The following NOX4 variants were observed in gnomAD, a reference collection of about 807,000 sequenced individuals.
NOX4 encodes the protein NADPH oxidase 4.
In NOX4, 69 loss-of-function variants were observed where a neutral mutation model predicts 87.6. The ratio of observed to expected loss-of-function variants is 0.79; its 90% CI spans 0.65 to 0.96. The LOEUF is 0.96. Among genes scored for constraint, NOX4 ranks in the 40% least tolerant of loss-of-function variants. The pLI is 0.00. For missense variants in NOX4, 680 were observed against 681.5 expected (o/e 1.00, Z 0.02); for synonymous variants, 275 against 238.2 (o/e 1.15, Z -1.42).
chr11:89,570,265 A>C, the NOX4 span, among the ~76,000 whole-genome samples: 36 of 152,138 alleles, frequency 2.4e-4, no homozygotes, highest in Non-Finnish European at 5.0e-4. Flanking sequence ...AGAAAACCAA[A>C]CACCACATGT....
At chr11:89,548,268 G>A in the NOX4 span, 1 of 152,124 alleles carries the variant, frequency 6.6e-6, no homozygotes, top group African/African-American at 2.4e-5. Context: ...TGGAATTAGT[G>A]TCTTTATAGG....
At chr11:89,502,337 A>G (rs1026246128), upstream of NOX4, among the ~76,000 whole-genome samples, 5 of 152,098 alleles carry the variant, frequency 3.3e-5, no homozygotes, top group African/African-American at 9.6e-5. Flanking sequence ...ATGAGACTAC[A>G]TTAGTAGGAG....
chr11:89,480,143 GT>G (rs1376588680), intron 2 of NOX4, among the ~76,000 whole-genome samples: 2 of 152,094 alleles, frequency 1.3e-5, no homozygotes, highest in African/African-American at 4.8e-5. Flanking sequence ...GTATATACTT[GT>G]TTTGCTATTA....
chr11:89,535,972 C>A, the NOX4 span, among the ~76,000 whole-genome samples: 34 of 152,030 alleles, frequency 2.2e-4, no homozygotes, highest in Non-Finnish European at 4.1e-4. Flanking sequence ...TTCAGTCCTG[C>A]ACTTTTTCTT....
rs760187761 is a variant in NOX4, at chr11:89,491,257, C to T, written c.-11G>A. The T allele has an allele frequency of 2.5e-6, 4 of 1,612,148 alleles. No individual in the cohort carries two copies. The highest frequency in any genetic ancestry group is 1.1e-5 in the South Asian group (1 of 90,984). ...CCAGGACACAGCCATGCCGCCGGCC[C>T]CGCCGCGCTGCGCTCTGTGCCCGCC... On this transcript the variant is annotated 5_prime_UTR_variant, in exon 1 of 18. Coordinates refer to ENST00000263317, the MANE Select transcript of NOX4 (RefSeq NM_016931.5).
At chr11:89,486,836 T>C (rs1336120745) in intron 2 of NOX4, among the ~76,000 whole-genome samples, 2 of 151,762 alleles carry the variant, frequency 1.3e-5, no homozygotes. Context: ...AAACCAATAA[T>C]TTTTGTAGTT....
At chr11:89,551,692 G>T in the NOX4 span, among the ~76,000 whole-genome samples, 1 of 152,104 alleles carries the variant, frequency 6.6e-6, no homozygotes, top group African/African-American at 2.4e-5. Context: ...GGAGTTTTGG[G>T]GCTGAGATGA....
At chr11:89,487,346 A>G (rs1239844666) in intron 2 of NOX4, among the ~76,000 whole-genome samples, 7 of 152,222 alleles carry the variant, frequency 4.6e-5, no homozygotes, top group Non-Finnish European at 8.8e-5. Flanking sequence ...ATTCTTCAAT[A>G]GAAAATAGAG....
the NOX4 span, among the ~76,000 whole-genome samples, chr11:89,553,588 A>C: frequency 6.6e-6 from 1 of 152,174 alleles, no homozygotes; most frequent in Non-Finnish European, 1.5e-5. Context: ...CAATCTAGAA[A>C]TCTTTCCTAT....
chr11:89,537,402 T>C, the NOX4 span, among the ~76,000 whole-genome samples: 33 of 151,626 alleles, frequency 2.2e-4, no homozygotes, highest in Middle Eastern at 0.01. Context: ...GTTTTATGTA[T>C]AGTTATATAT....
intron 2 of NOX4, among the ~76,000 whole-genome samples, chr11:89,473,935 T>C (rs1287657426): frequency 6.6e-6 from 1 of 152,206 alleles, no homozygotes; most frequent in Non-Finnish European, 1.5e-5. Context: ...TAAGAGGGAC[T>C]AAATGAATGG....
At chr11:89,477,238 G>A (rs542738230) in intron 2 of NOX4, among the ~76,000 whole-genome samples, 1 of 152,220 alleles carries the variant, frequency 6.6e-6, no homozygotes, top group South Asian at 2.1e-4. Context: ...GGGGTGACAG[G>A]AGACAGTGAC....
In NOX4 at chr11:89,324,771, G is replaced by A. The variant is rs1303695834; in HGVS notation, c.*1985C>T. On this transcript the variant is annotated 3_prime_UTR_variant, in exon 18 of 18. Coordinates refer to ENST00000263317, the MANE Select transcript of NOX4 (RefSeq NM_016931.5). ...AATTCTTTTTAATCTAAAGACTGTT[G>A]TCAAGACATACTAGTTATTAAATAT... 6.6e-6 allele frequency: 1 copy of A among 152,074 alleles called. No individual in the cohort carries two copies. The highest frequency in any genetic ancestry group is 6.5e-5 in the Admixed American group (1 of 15,272). 9.4% of individuals were successfully genotyped at this position (152,074 alleles called of 1,614,324 possible).
Position 89,491,291 on chromosome 11 carries a change from A to T in NOX4, c.-45T>A, listed in dbSNP as rs1946844928. The stretch of plus-strand genomic sequence containing the variant: ...TGCGCTCTGTGCCCGCCGGACCGAG[A>T]AGGAGCGGGCGGCGGCCGGGGCAGC... On this transcript the variant is annotated 5_prime_UTR_variant, in exon 1 of 18. Coordinates refer to ENST00000263317, the MANE Select transcript of NOX4 (RefSeq NM_016931.5). 1.3e-6 allele frequency: 2 copies of T among 1,580,248 alleles called. No individual in the cohort carries two copies. The highest frequency in any genetic ancestry group is 4.6e-5 in the East Asian group (2 of 43,952).
chr11:89,544,752 G>C, the NOX4 span, among the ~76,000 whole-genome samples: 1 of 151,866 alleles, frequency 6.6e-6, no homozygotes, highest in Admixed American at 6.6e-5. Context: ...GTAATTTGCT[G>C]TATGTCATAC....
chr11:89,505,022 C>A, the NOX4 span, among the ~76,000 whole-genome samples: 3 of 151,856 alleles, frequency 2.0e-5, no homozygotes, highest in African/African-American at 7.3e-5. Flanking sequence ...TCTTACCAAG[C>A]GTCTTTTCTA....
At chr11:89,434,296 T>C (rs144793984) in intron 6 of NOX4, among the ~76,000 whole-genome samples, 34 of 152,118 alleles carry the variant, frequency 2.2e-4, no homozygotes, top group African/African-American at 8.2e-4. Flanking sequence ...AGAGAATTAG[T>C]CTATGGGTTC....
chr11:89,438,485 CTATATAA>C (rs980865201), intron 6 of NOX4, among the ~76,000 whole-genome samples: 2 of 74,786 alleles, frequency 2.7e-5, no homozygotes, highest in African/African-American at 1.5e-4. Context: ...ACTATATATA[CTATATAA>C]TATACAGCAT....
At position 89,455,948 on chromosome 11, in the gene NOX4, A is replaced by G. The variant is rs535831379; in HGVS notation, c.154-4053T>C. On this transcript the variant is annotated intron_variant, in intron 2 of 17. Coordinates refer to ENST00000263317, the MANE Select transcript of NOX4 (RefSeq NM_016931.5). The stretch of plus-strand genomic sequence containing the variant: ...TGGGAAGTGGGGAGATGAAGAGGCA[A>G]TGGTTAACAGGTACATGAACACAGT... 2.0e-4 allele frequency among the ~76,000 whole-genome samples: 31 copies of G among 152,098 alleles called. 1 individual carries two copies. The South Asian group carries it at 6.0e-3, about 30-fold the overall frequency.
Sources: allele counts gnomAD v4.1 joint callset (sites outside exome capture counted in the v4.1 genomes callset), GRCh38; gene constraint gnomAD v4.1.1; transcripts MANE v1.5; gene names NCBI Gene and HGNC (gene_info 2026-07-23, HGNC 2026-07-21).